Variants in TBC1D19 observed in about 807,000 individuals in gnomAD.
TBC1D19 encodes the protein TBC1 domain family, member 19.
A neutral mutation model predicts 89.0 loss-of-function variants in TBC1D19; 60 were observed. That is an observed-to-expected ratio of 0.67 (90% confidence interval 0.55 to 0.84). The LOEUF is 0.84. TBC1D19 is among the 40% of genes least tolerant of loss of function. The pLI is 0.00. For synonymous variants in TBC1D19, 189 were observed against 199.7 expected (o/e 0.95, Z 0.45); for missense variants, 500 against 610.8 (o/e 0.82, Z 1.91).
At chr4:26,838,367 G>A in the TBC1D19 span, among the ~76,000 whole-genome samples, 1 of 152,190 alleles carries the variant, frequency 6.6e-6, no homozygotes, top group Non-Finnish European at 1.5e-5. Context: ...GGTACTTAAA[G>A]TTGTAGACAC....
At chr4:26,718,912 C>T (rs1189043207) in intron 14 of TBC1D19, among the ~76,000 whole-genome samples, 1 of 152,026 alleles carries the variant, frequency 6.6e-6, no homozygotes, top group Non-Finnish European at 1.5e-5. Context: ...AACTTTGCTT[C>T]CCTGATTATT....
the TBC1D19 span, among the ~76,000 whole-genome samples, chr4:26,838,241 G>A: frequency 1.3e-5 from 2 of 152,222 alleles, no homozygotes; most frequent in Admixed American, 6.5e-5. Flanking sequence ...GTTGTTGGAC[G>A]TATGTATACG....
In TBC1D19 at chr4:26,587,803, TA is replaced by T. The variant is rs1462869480; in HGVS notation, c.99+3518del. On this transcript the variant is annotated intron_variant, in intron 1 of 20. Coordinates refer to ENST00000264866, the MANE Select transcript of TBC1D19 (RefSeq NM_018317.4). ...TTTTCTTTATGGACACATTTTTAAT[TA>T]AAAAAATTCAATTAAAAATATATGC... 1.3e-4 allele frequency among the ~76,000 whole-genome samples: 20 copies of T among 151,740 alleles called. No individual in the cohort carries two copies. The East Asian group carries it at 3.5e-3, about 26-fold the overall frequency.
At chr4:26,809,690 G>A in the TBC1D19 span, among the ~76,000 whole-genome samples, 1 of 152,154 alleles carries the variant, frequency 6.6e-6, no homozygotes, top group Non-Finnish European at 1.5e-5. Flanking sequence ...CAATGGTGGG[G>A]AGCCAGCCTC....
the TBC1D19 span, among the ~76,000 whole-genome samples, chr4:26,778,022 C>A: frequency 6.7e-6 from 1 of 150,114 alleles, no homozygotes; most frequent in African/African-American, 2.5e-5. Flanking sequence ...GCAGTTGCGT[C>A]TCAACCTGGG....
the TBC1D19 span, among the ~76,000 whole-genome samples, chr4:26,808,967 A>C: frequency 6.6e-6 from 1 of 152,316 alleles, no homozygotes; most frequent in East Asian, 1.9e-4. Context: ...CTCTTGGCTC[A>C]AACAGAGGGT....
intron 7 of TBC1D19, among the ~76,000 whole-genome samples, chr4:26,650,378 T>C (rs1322001929): frequency 2.0e-5 from 3 of 152,176 alleles, no homozygotes; most frequent in Admixed American, 2.0e-4. Context: ...GCACCTGTTG[T>C]TTCCTGACTT....
At chr4:26,758,615 T>TTAA, downstream of TBC1D19, among the ~76,000 whole-genome samples, 1 of 152,278 alleles carries the variant, frequency 6.6e-6, no homozygotes, top group Middle Eastern at 3.4e-3. Context: ...GGAAGCTGGA[T>TTAA]ATGAAAATGA....
At chr4:26,780,139 A>G in the TBC1D19 span, among the ~76,000 whole-genome samples, 1 of 152,242 alleles carries the variant, frequency 6.6e-6, no homozygotes, top group Non-Finnish European at 1.5e-5. Flanking sequence ...TAGCTTTGAC[A>G]GGAAAGAACA....
Position 26,683,729 on chromosome 4 carries a change from G to A in TBC1D19, c.871G>A (p.Val291Met), listed in dbSNP as rs1335247886. 1 of 1,612,656 alleles carries A rather than the reference G, an allele frequency of 6.2e-7. No individual in the cohort carries two copies. The highest frequency in any genetic ancestry group is 1.7e-5 in the Admixed American group (1 of 59,916). The change falls in exon 12 of 21, where the codon GTG (valine) becomes ATG (methionine). Residue 291 changes from valine (V) to methionine (M), a missense_variant. Coordinates refer to ENST00000264866, the MANE Select transcript of TBC1D19 (RefSeq NM_018317.4). ...KTNVIQHDLL[V>M]DSLIYKDVKL... ...CAATGTGATACAACATGACCTTTTG[G>A]TGGACAGTCTAATCTATAAAGTAAG...
chr4:26,854,378 A>G, the TBC1D19 span, among the ~76,000 whole-genome samples: 1 of 152,220 alleles, frequency 6.6e-6, no homozygotes, highest in Non-Finnish European at 1.5e-5. Flanking sequence ...AATGCATTCA[A>G]TATTTGATGT....
intron 10 of TBC1D19, 65 bp downstream of exon 10, chr4:26,672,252 C>T: frequency 1.7e-6 from 2 of 1,196,408 alleles, no homozygotes; most frequent in Non-Finnish European, 2.2e-6. Context: ...AAATGTCTGC[C>T]TCAGATAACC....
In TBC1D19 at chr4:26,727,016, A is replaced by G. The variant is rs149179981; in HGVS notation, c.1084+6891A>G. 4.5e-3 allele frequency among the ~76,000 whole-genome samples: 680 copies of G among 152,302 alleles called. 4 individuals are homozygous for G. Among genetic ancestry groups the G allele is most frequent in the African/African-American group, 0.016 (649 of 41,564 alleles). ...GTGGAATAGGCAGTTAATATTTTAG[A>G]CTTTCTTCAGATGCATAAGGAAAGG... On this transcript the variant is annotated intron_variant, in intron 15 of 20. Coordinates refer to ENST00000264866, the MANE Select transcript of TBC1D19 (RefSeq NM_018317.4).
At chr4:26,727,707 C>T (rs1052696972) in intron 15 of TBC1D19, among the ~76,000 whole-genome samples, 1 of 152,170 alleles carries the variant, frequency 6.6e-6, no homozygotes, top group Non-Finnish European at 1.5e-5. Flanking sequence ...GTCTATATGA[C>T]TTCTTTGGTC....
At chr4:26,809,538 T>C in the TBC1D19 span, among the ~76,000 whole-genome samples, 1 of 151,878 alleles carries the variant, frequency 6.6e-6, no homozygotes, top group Non-Finnish European at 1.5e-5. Context: ...TTCCACCAAG[T>C]AGGTTAATTG....
At chr4:26,772,667 G>C in the TBC1D19 span, among the ~76,000 whole-genome samples, 1 of 152,088 alleles carries the variant, frequency 6.6e-6, no homozygotes, top group Non-Finnish European at 1.5e-5. Context: ...TCCCTGCTGT[G>C]TGTCCATGTG....
chr4:26,614,470 AT>A lies in TBC1D19; in HGVS notation c.218+21del. On this transcript the variant is annotated intron_variant, in intron 3 of 20. Coordinates refer to ENST00000264866, the MANE Select transcript of TBC1D19 (RefSeq NM_018317.4). ...ACTGAGTGTGTGAGTTTTCCCACCT[AT>A]TTTACAATAGTATTTTGTTTAGCTA... The A allele has an allele frequency of 6.4e-7, 1 of 1,573,320 alleles. No individual in the cohort carries two copies.
chr4:26,718,311 C>CTAACTG (rs55746029), intron 14 of TBC1D19, among the ~76,000 whole-genome samples: 1 of 151,804 alleles, frequency 6.6e-6, no homozygotes, highest in Non-Finnish European at 1.5e-5. Flanking sequence ...CTTTTTCTTT[C>CTAACTG]TAAGTTTATA....
chr4:26,746,259 A>C (rs1304620875), intron 18 of TBC1D19, among the ~76,000 whole-genome samples: 1 of 141,218 alleles, frequency 7.1e-6, no homozygotes, highest in Non-Finnish European at 1.5e-5. Flanking sequence ...TTCCATAGAG[A>C]TAGGTTCTTG....
Sources: allele counts gnomAD v4.1 joint callset (sites outside exome capture counted in the v4.1 genomes callset), GRCh38; gene constraint gnomAD v4.1.1; transcripts MANE v1.5; gene names NCBI Gene and HGNC (gene_info 2026-07-23, HGNC 2026-07-21).